Variants in CCDC30 observed in about 807,000 individuals in gnomAD.
CCDC30 encodes coiled-coil domain-containing protein 30.
In CCDC30, 70 loss-of-function variants were observed where a neutral mutation model predicts 100.2. The ratio of observed to expected loss-of-function variants is 0.70; its 90% CI spans 0.58 to 0.85. The LOEUF is 0.85. CCDC30 is among the 40% of genes least tolerant of loss of function. CCDC30 has a pLI of 0.00. For missense variants in CCDC30, 652 were observed against 771.2 expected (o/e 0.85, Z 1.83); for synonymous variants, 233 against 269.5 (o/e 0.86, Z 1.33).
chr1:42,656,315 A>G (rs1030479732), downstream of CCDC30, among the ~76,000 whole-genome samples: 1 of 152,244 alleles, frequency 6.6e-6, no homozygotes, highest in African/African-American at 2.4e-5. Flanking sequence ...GCTCTAGGAC[A>G]TCACTTCCTT....
chr1:42,532,758 T>TTTTA (rs971011258), intron 6 of CCDC30, among the ~76,000 whole-genome samples: 10 of 151,946 alleles, frequency 6.6e-5, no homozygotes, highest in African/African-American at 1.5e-4. Flanking sequence ...GGGTGAAAGT[T>TTTTA]TTTATTTATT....
intron 11 of CCDC30, among the ~76,000 whole-genome samples, chr1:42,634,269 A>AAAAAAC (rs1557477774): frequency 2.1e-5 from 3 of 142,898 alleles, no homozygotes; most frequent in African/African-American, 7.7e-5. Flanking sequence ...AAAAAAAAAA[A>AAAAAAC]AAAAACAAAA....
chr1:42,506,281 C>T (rs1569848262), intron 6 of CCDC30, among the ~76,000 whole-genome samples: 1 of 152,190 alleles, frequency 6.6e-6, no homozygotes, highest in East Asian at 1.9e-4. Flanking sequence ...ATTTCAGCTC[C>T]TCATGAATCC....
At chr1:42,553,944 GAC>G (rs1296314574) in intron 6 of CCDC30, among the ~76,000 whole-genome samples, 1 of 151,928 alleles carries the variant, frequency 6.6e-6, no homozygotes, top group Non-Finnish European at 1.5e-5. Context: ...ACACTCCCTA[GAC>G]ACAATTTTTC....
At chr1:42,512,484 C>G (rs942276182) in intron 6 of CCDC30, among the ~76,000 whole-genome samples, 1 of 152,174 alleles carries the variant, frequency 6.6e-6, no homozygotes, top group Non-Finnish European at 1.5e-5. Flanking sequence ...AAAATCACAA[C>G]AGCATTCCCC....
intron 6 of CCDC30, among the ~76,000 whole-genome samples, chr1:42,561,488 A>G (rs1190549205): frequency 6.6e-6 from 1 of 152,212 alleles, no homozygotes; most frequent in Non-Finnish European, 1.5e-5. Flanking sequence ...TGACAAACTC[A>G]TAGCCAATAT....
rs1276074235 is a variant in CCDC30, at chr1:42,596,990, A to C, written c.1164+7507A>C. 6.6e-6 allele frequency among the ~76,000 whole-genome samples: 1 copy of C among 152,156 alleles called. No homozygotes were observed. The highest frequency in any genetic ancestry group is 2.4e-5 in the African/African-American group (1 of 41,452). ...CAGTGTTTTTGATTTTTAAGTAAAG[A>C]TCAAAAACACTGTAACAGAAATGAA... On this transcript the variant is annotated intron_variant, in intron 10 of 16. Coordinates refer to ENST00000668663, the Ensembl canonical transcript of CCDC30. The surrounding 1 kb of genome is among the most constrained non-coding windows in gnomAD (Gnocchi z 4.3).
chr1:42,566,480 C>T lies in CCDC30; in HGVS notation c.636+5C>T. 6.2e-7 allele frequency: 1 copy of T among 1,609,480 alleles called. No homozygotes were observed. Among genetic ancestry groups the T allele is most frequent in the Non-Finnish European group, 8.5e-7 (1 of 1,176,870 alleles). On this transcript the variant is annotated splice_donor_5th_base_variant and intron_variant, in intron 7 of 16. Coordinates refer to ENST00000668663, the Ensembl canonical transcript of CCDC30. Reference sequence around the variant, plus strand: ...CTTCAGGAAGAAAACATTAAGGTAACTCTTGTGGGCAAATGCTTTATGGAA... The same window carrying T: ...CTTCAGGAAGAAAACATTAAGGTAATTCTTGTGGGCAAATGCTTTATGGAA...
At chr1:42,571,791 T>C (rs981096572) in intron 7 of CCDC30, among the ~76,000 whole-genome samples, 2 of 152,226 alleles carry the variant, frequency 1.3e-5, no homozygotes, top group African/African-American at 4.8e-5. Flanking sequence ...ATTTCTGGTC[T>C]TCAAAAATTA....
chr1:42,615,035 G>A (rs1646698430), intron 11 of CCDC30, among the ~76,000 whole-genome samples: 1 of 152,182 alleles, frequency 6.6e-6, no homozygotes, highest in South Asian at 2.1e-4. Flanking sequence ...AGAGAAAGAG[G>A]TTTAATCGTA....
At chr1:42,546,437 T>C (rs1427244070) in intron 6 of CCDC30, among the ~76,000 whole-genome samples, 1 of 109,254 alleles carries the variant, frequency 9.2e-6, no homozygotes, top group South Asian at 3.0e-4. Context: ...TATATATATA[T>C]ATATAGTATT....
chr1:42,626,483 T>C (rs1646936156), intron 11 of CCDC30, among the ~76,000 whole-genome samples: 1 of 152,168 alleles, frequency 6.6e-6, no homozygotes, highest in Non-Finnish European at 1.5e-5. Flanking sequence ...ATTTTCTCTG[T>C]GATATGATTT....
intron 1 of CCDC30, among the ~76,000 whole-genome samples, chr1:42,464,761 A>G (rs941210793): frequency 1.3e-5 from 2 of 152,242 alleles, no homozygotes; most frequent in African/African-American, 4.8e-5. Flanking sequence ...CAGGTTTAAA[A>G]GTAAACCTAT....
the CCDC30 span, among the ~76,000 whole-genome samples, chr1:42,457,955 CAAAA>C: frequency 2.0e-5 from 2 of 101,076 alleles, no homozygotes; most frequent in African/African-American, 3.8e-5. Flanking sequence ...TACTCCGTCG[CAAAA>C]AAAAAAAAAA....
intron 1 of CCDC30, among the ~76,000 whole-genome samples, chr1:42,472,501 G>C (rs1158316863): frequency 6.6e-6 from 1 of 151,978 alleles, no homozygotes; most frequent in African/African-American, 2.4e-5. Flanking sequence ...TAGAATTAGG[G>C]GCCTCTCTAG....
At chr1:42,654,184 A>C (rs16829832), downstream of CCDC30, 69,674 of 621,078 alleles carry the variant, frequency 0.11, 5,219 homozygotes, top group East Asian at 0.27. Flanking sequence ...GCAGTTGTAA[A>C]AATGGATTTC....
intron 6 of CCDC30, among the ~76,000 whole-genome samples, chr1:42,550,338 A>T (rs1048578932): frequency 6.6e-6 from 1 of 152,164 alleles, no homozygotes; most frequent in African/African-American, 2.4e-5. Flanking sequence ...TTCTCCATGG[A>T]GTAGCCAAAT....
intron 10 of CCDC30, chr1:42,593,020 C>T (rs1002234459): frequency 1.3e-5 from 2 of 152,162 alleles, no homozygotes; most frequent in African/African-American, 4.8e-5. Flanking sequence ...GTGAGTTTTT[C>T]CCCATACTAA....
intron 10 of CCDC30, among the ~76,000 whole-genome samples, chr1:42,599,225 G>A (rs569482738): frequency 6.0e-4 from 92 of 152,242 alleles, no homozygotes; most frequent in South Asian, 2.7e-3. Flanking sequence ...ACTTAGATAT[G>A]CTTATGTGTA....
Sources: gnomAD v4.1 joint callset for allele counts (sites outside exome capture counted in the v4.1 genomes callset) on GRCh38, gnomAD v4.1.1 for gene constraint, Gnocchi (gnomAD v3.1) non-coding constraint, MANE v1.5 for transcripts, NCBI Gene and HGNC (gene_info 2026-07-23, HGNC 2026-07-21) for gene names.